The following WDR49 variants were observed in gnomAD, a reference collection of about 807,000 sequenced individuals.
WDR49 encodes cilia- and flagella-associated protein 337.
A neutral mutation model predicts 119.5 loss-of-function variants in WDR49; 107 were observed. That is an observed-to-expected ratio of 0.90 (90% confidence interval 0.77 to 1.05). WDR49 has a LOEUF of 1.05. Ranked by LOEUF, WDR49 falls within the 50% of genes least tolerant of loss-of-function variation. WDR49 has a pLI of 0.00. For missense variants in WDR49, 1,240 were observed against 1,220.5 expected, an observed-to-expected ratio of 1.02 and a Z score of -0.24; for synonymous variants, 425 against 418.8, an observed-to-expected ratio of 1.01 and a Z score of -0.18.
At chr3:167,657,895 ACCT>A (rs1327407531), upstream of WDR49, among the ~76,000 whole-genome samples, 2 of 151,984 alleles carry the variant, frequency 1.3e-5, no homozygotes, top group Non-Finnish European at 2.9e-5. Context: ...GTGTAAAGGA[ACCT>A]CCTCTCAAAG....
At chr3:167,498,847 C>A (rs2108207286) in intron 18 of WDR49, among the ~76,000 whole-genome samples, 1 of 152,168 alleles carries the variant, frequency 6.6e-6, no homozygotes, top group African/African-American at 2.4e-5. Flanking sequence ...TCAGAGAGAG[C>A]CCTCCCTGAA....
At chr3:167,570,589 A>G (rs561712004) in intron 8 of WDR49, among the ~76,000 whole-genome samples, 2 of 152,366 alleles carry the variant, frequency 1.3e-5, no homozygotes, top group South Asian at 4.1e-4. Flanking sequence ...GGAAAAGTTT[A>G]CTATAAAATT....
intron 18 of WDR49, among the ~76,000 whole-genome samples, chr3:167,482,193 G>T (rs554070581): frequency 2.0e-5 from 3 of 152,070 alleles, no homozygotes; most frequent in Non-Finnish European, 4.4e-5. Flanking sequence ...ATATTTTATA[G>T]AAATGACCAA....
chr3:167,625,956 G>A (rs1477018081), intron 3 of WDR49, among the ~76,000 whole-genome samples: 8 of 149,426 alleles, frequency 5.4e-5, no homozygotes, highest in South Asian at 2.1e-4. Context: ...ACAAAGAAAA[G>A]CATGTATATC....
intron 18 of WDR49, among the ~76,000 whole-genome samples, chr3:167,496,963 T>C (rs1256446130): frequency 6.6e-6 from 1 of 152,190 alleles, no homozygotes; most frequent in Non-Finnish European, 1.5e-5. Context: ...TCTGAAGTCA[T>C]TCATTGTAGC....
At chr3:167,487,488 G>GC (rs1560245515) in intron 18 of WDR49, among the ~76,000 whole-genome samples, 1 of 151,884 alleles carries the variant, frequency 6.6e-6, no homozygotes, top group South Asian at 2.1e-4. Context: ...TTTTGGCTAA[G>GC]CCCCCAAAAG....
At chr3:167,614,508 T>C (rs1223550984) in intron 5 of WDR49, among the ~76,000 whole-genome samples, 2 of 152,218 alleles carry the variant, frequency 1.3e-5, no homozygotes, top group African/African-American at 2.4e-5. Flanking sequence ...AAGACGTTTA[T>C]GTCTTAGCAC....
At chr3:167,655,249 G>GC (rs547038107), upstream of WDR49, among the ~76,000 whole-genome samples, 181 of 152,216 alleles carry the variant, frequency 1.2e-3, 1 homozygote, top group African/African-American at 4.1e-3. Flanking sequence ...TGGGGAAACC[G>GC]CCCCCTTGAG....
chr3:167,494,892 G>A (rs983160519), intron 18 of WDR49, among the ~76,000 whole-genome samples: 1 of 152,122 alleles, frequency 6.6e-6, no homozygotes, highest in African/African-American at 2.4e-5. Context: ...ACTAAAAGGA[G>A]AAGCCTAAAG....
intron 8 of WDR49, among the ~76,000 whole-genome samples, chr3:167,564,151 C>A (rs1045982207): frequency 6.6e-6 from 1 of 152,208 alleles, no homozygotes; most frequent in Non-Finnish European, 1.5e-5. Context: ...TTTTTGTCAC[C>A]TTTCTCTGCT....
intron 2 of WDR49, among the ~76,000 whole-genome samples, chr3:167,647,494 A>G (rs1319522637): frequency 3.3e-5 from 5 of 152,176 alleles, no homozygotes; most frequent in Admixed American, 1.3e-4. Flanking sequence ...TGATGACGCC[A>G]TTTGCTAGCA....
intron 16 of WDR49, among the ~76,000 whole-genome samples, chr3:167,511,110 A>T (rs1188185851): frequency 2.6e-5 from 4 of 152,104 alleles, no homozygotes; most frequent in African/African-American, 9.7e-5. Flanking sequence ...TGACAATTTT[A>T]TTGTGTTTGT....
chr3:167,623,602 C>T (rs961117557), intron 3 of WDR49, among the ~76,000 whole-genome samples: 12 of 117,848 alleles, frequency 1.0e-4, no homozygotes, highest in Admixed American at 8.7e-4. Context: ...TCATACATAT[C>T]GGTGAAAAAA....
chr3:167,485,919 T>C (rs1326536910), intron 18 of WDR49, among the ~76,000 whole-genome samples: 1 of 150,582 alleles, frequency 6.6e-6, no homozygotes, highest in Non-Finnish European at 1.5e-5. Flanking sequence ...AAAGATACTA[T>C]AAAAGAGGGC....
rs113613642 is a variant in WDR49 at position 167,536,159 on chromosome 3, C to T, written c.1954+711G>A. 4.7e-3 allele frequency among the ~76,000 whole-genome samples: 708 copies of T among 152,038 alleles called. 3 individuals carry two copies. The highest frequency in any genetic ancestry group is 0.016 in the African/African-American group (668 of 41,472). The stretch of plus-strand genomic sequence containing the variant: ...AGGAATGAGTTTTGGTGTTCTATTG[C>T]ATAGTAGGATGACTAGAGTTAACAA... On this transcript the variant is annotated intron_variant, in intron 11 of 18. Transcript: ENST00000682715.
intron 18 of WDR49, among the ~76,000 whole-genome samples, chr3:167,495,467 C>A (rs1751317704): frequency 6.6e-6 from 1 of 151,876 alleles, no homozygotes; most frequent in African/African-American, 2.4e-5. Context: ...AAACTGAAGC[C>A]AACCTAAGGA....
chr3:167,638,566 G>A (rs560024860), intron 2 of WDR49, among the ~76,000 whole-genome samples: 23 of 151,564 alleles, frequency 1.5e-4, no homozygotes, highest in South Asian at 1.0e-3. Context: ...TTCTGTGAAC[G>A]TCTCCTGGAG....
intron 12 of WDR49, among the ~76,000 whole-genome samples, chr3:167,532,186 C>A (rs1752873077): frequency 6.6e-6 from 1 of 152,130 alleles, no homozygotes; most frequent in African/African-American, 2.4e-5. Context: ...TCAGTCCATT[C>A]CTAAAGTTCA....
At chr3:167,650,778 A>C (rs1486006659) in intron 2 of WDR49, among the ~76,000 whole-genome samples, 2 of 152,230 alleles carry the variant, frequency 1.3e-5, no homozygotes, top group Non-Finnish European at 2.9e-5. Context: ...CAATTATCTA[A>C]TGTTAATTGA....
Sources: allele counts gnomAD v4.1 joint callset (sites outside exome capture counted in the v4.1 genomes callset), GRCh38; gene constraint gnomAD v4.1.1; transcripts MANE v1.5; gene names NCBI Gene and HGNC (gene_info 2026-07-23, HGNC 2026-07-21).